The following DHX30 variants were observed in gnomAD, a reference collection of about 807,000 sequenced individuals.
The protein encoded by DHX30 is ATP-dependent RNA helicase DHX30.
A neutral mutation model predicts 116.9 loss-of-function variants in DHX30; 4 were observed. That is an observed-to-expected ratio of 0.03 (90% confidence interval 0.02 to 0.08). The LOEUF (loss-of-function observed/expected upper bound fraction) is 0.08. DHX30 is among the 10% of genes least tolerant of loss of function. The pLI, the probability that DHX30 is intolerant of heterozygous loss-of-function variation, is 1.00. For synonymous variants in DHX30, 697 were observed against 651.7 expected (o/e 1.07, Z -1.06); for missense variants, 871 against 1,595.1 (o/e 0.55, Z 7.73).
chr3:47,833,359 T>C (rs2036947973), intron 6 of DHX30, among the ~76,000 whole-genome samples: 1 of 151,536 alleles, frequency 6.6e-6, no homozygotes, highest in African/African-American at 2.4e-5. Context: ...AAGCCTTTTT[T>C]GTATTTTATA....
chr3:47,825,801 G>A (rs2036526900), intron 4 of DHX30: 1 of 152,250 alleles, frequency 6.6e-6, no homozygotes, highest in African/African-American at 2.4e-5. Flanking sequence ...AAACCAGTGG[G>A]TGTAATGGGC....
intron 3 of DHX30, among the ~76,000 whole-genome samples, chr3:47,814,429 CAAAAAA>C (rs71625837): frequency 1.1e-5 from 1 of 92,628 alleles, no homozygotes; most frequent in African/African-American, 4.3e-5. Flanking sequence ...TGTCTCAAAA[CAAAAAA>C]AAAAAAAAAA....
chr3:47,804,019 C>G (rs2035414228), intron 1 of DHX30, among the ~76,000 whole-genome samples: 1 of 152,198 alleles, frequency 6.6e-6, no homozygotes, highest in South Asian at 2.1e-4. Flanking sequence ...GTTTTAGTTG[C>G]AGCTTATGGG....
chr3:47,823,961 T>TGTCTC (rs1321923044), intron 4 of DHX30, among the ~76,000 whole-genome samples: 1 of 151,776 alleles, frequency 6.6e-6, no homozygotes, highest in East Asian at 1.9e-4. Flanking sequence ...TCTAGACTGT[T>TGTCTC]GTCTCCTTCA....
intron 6 of DHX30, among the ~76,000 whole-genome samples, chr3:47,831,562 T>C (rs2036849801): frequency 6.6e-6 from 1 of 152,142 alleles, no homozygotes; most frequent in Non-Finnish European, 1.5e-5. Context: ...CTCAAAAATA[T>C]TCAGTGCTCT....
At chr3:47,845,595 T>G in intron 9 of DHX30, 105 bp from the exon 10 acceptor site, 4 of 1,320,118 alleles carry the variant, frequency 3.0e-6, no homozygotes, top group Non-Finnish European at 4.0e-6. Context: ...CAAAATCTCT[T>G]AGAGATTACT....
intron 4 of DHX30, chr3:47,822,286 GAAAT>G (rs2036330911): frequency 6.6e-6 from 1 of 152,320 alleles, no homozygotes; most frequent in Non-Finnish European, 1.5e-5. Context: ...GAACCCAGTT[GAAAT>G]AAATGAATAG....
In DHX30 at chr3:47,848,916, C is replaced by T. The variant is rs1427695452; in HGVS notation, c.2770-4C>T. On this transcript the variant is annotated splice_polypyrimidine_tract_variant and splice_region_variant and intron_variant, in intron 17 of 21. Coordinates refer to ENST00000445061, the MANE Select transcript of DHX30 (RefSeq NM_138615.3). The surrounding 1 kb of genome is among the most constrained non-coding windows in gnomAD (Gnocchi z 9.4). ...GATCCGGCTGCCCTCTTCTCCCCTC[C>T]CAGGTGAAAGCACTGTTGAGCCATG... The T allele has an allele frequency of 6.2e-7, 1 of 1,600,472 alleles. No homozygotes were observed. The highest frequency in any genetic ancestry group is 2.2e-5 in the East Asian group (1 of 44,568).
At chr3:47,845,656 G>C in intron 9 of DHX30, 44 bp from the exon 10 acceptor site, 1 of 1,485,444 alleles carries the variant, frequency 6.7e-7, no homozygotes, top group Non-Finnish European at 9.0e-7. Context: ...CTGGTTTTTG[G>C]GGAGCCCCAG....
chr3:47,833,961 T>G (rs1421680716), intron 6 of DHX30, among the ~76,000 whole-genome samples: 1 of 152,206 alleles, frequency 6.6e-6, no homozygotes, highest in Non-Finnish European at 1.5e-5. Flanking sequence ...AGACTTACTC[T>G]TCTTATATAT....
At chr3:47,806,349 G>C (rs1487698498) in intron 2 of DHX30, among the ~76,000 whole-genome samples, 1 of 150,078 alleles carries the variant, frequency 6.7e-6, no homozygotes, top group Non-Finnish European at 1.5e-5. Context: ...TCACCATTTT[G>C]GTCAGGCTAA....
chr3:47,826,347 T>C (rs2036551394), intron 4 of DHX30, among the ~76,000 whole-genome samples: 2 of 151,784 alleles, frequency 1.3e-5, no homozygotes, highest in African/African-American at 4.8e-5. Context: ...AGAAGCGAGG[T>C]ACCTCTCATG....
chr3:47,837,224 T>C (rs1315020430), intron 6 of DHX30, among the ~76,000 whole-genome samples: 1 of 152,154 alleles, frequency 6.6e-6, no homozygotes, highest in Non-Finnish European at 1.5e-5. Flanking sequence ...AGAATGAATG[T>C]GGGTCTGCCT....
At chr3:47,827,536 CCTTT>C in intron 5 of DHX30, 59 bp downstream of exon 5, 1 of 1,567,846 alleles carries the variant, frequency 6.4e-7, no homozygotes, top group Non-Finnish European at 8.6e-7. Flanking sequence ...GGCTGTTTGT[CCTTT>C]CTGTCTTAGG....
chr3:47,817,166 G>C (rs2036095731), intron 3 of DHX30, among the ~76,000 whole-genome samples: 1 of 152,122 alleles, frequency 6.6e-6, no homozygotes. Flanking sequence ...CCCATTTACT[G>C]TACTGAAACC....
At position 47,849,991 on chromosome 3, in the gene DHX30, C is replaced by T. The variant is rs2038061858; in HGVS notation, c.3456C>T (p.Ser1152=). The T allele has an allele frequency of 6.2e-7, 1 of 1,612,290 alleles. No individual in the cohort carries two copies. Among genetic ancestry groups the T allele is most frequent in the Non-Finnish European group, 8.5e-7 (1 of 1,179,636 alleles). The change falls in exon 22 of 22, where the codon AGC becomes AGT. Residue 1152 remains serine (S), a synonymous_variant. Coordinates refer to ENST00000445061, the MANE Select transcript of DHX30 (RefSeq NM_138615.3). The part of the protein sequence containing the change: ...RRALGRMVER[S]LRSELAALPP... ...CCCTGGGCCGCATGGTGGAGCGGAG[C>T]CTGCGCAGCGAGCTGGCTGCACTTC...
chr3:47,841,497 T>C lies in DHX30; in HGVS notation c.669-120T>C, dbSNP rs531795866. The stretch of plus-strand genomic sequence containing the variant: ...GACGCCCGGTTTCCCATCCATTTCA[T>C]GCCTTCTGCCCTTCTGGCTCCCTGC... On this transcript the variant is annotated intron_variant, in intron 7 of 21. Coordinates refer to ENST00000445061, the MANE Select transcript of DHX30 (RefSeq NM_138615.3). 3 of 1,394,004 alleles carry C rather than the reference T, an allele frequency of 2.2e-6. No homozygotes were observed. In the African/African-American group the frequency reaches 4.3e-5, roughly 20 times the overall value. The allele number at this position is 1,394,004 out of a possible 1,614,324, so 86.4% of individuals were successfully genotyped here.
chr3:47,832,149 G>C (rs766100269), intron 6 of DHX30, among the ~76,000 whole-genome samples: 4 of 150,160 alleles, frequency 2.7e-5, no homozygotes, highest in Non-Finnish European at 5.9e-5. Context: ...GGGCTGAAGC[G>C]ATCCTTCTGC....
At chr3:47,836,240 C>T (rs1159320827) in intron 6 of DHX30, among the ~76,000 whole-genome samples, 1 of 152,036 alleles carries the variant, frequency 6.6e-6, no homozygotes, top group East Asian at 1.9e-4. Flanking sequence ...AGTGATTCTC[C>T]TGCCTCAGCC....
Sources: gnomAD v4.1 joint callset for allele counts (sites outside exome capture counted in the v4.1 genomes callset) on GRCh38, gnomAD v4.1.1 for gene constraint, Gnocchi (gnomAD v3.1) non-coding constraint, MANE v1.5 for transcripts, NCBI Gene and HGNC (gene_info 2026-07-23, HGNC 2026-07-21) for gene names.